Variants in KAZN observed in about 807,000 individuals in gnomAD.
KAZN encodes kazrin, periplakin interacting protein.
A neutral mutation model predicts 87.4 loss-of-function variants in KAZN; 40 were observed. The ratio of observed to expected loss-of-function variants is 0.46; its 90% CI spans 0.36 to 0.60. KAZN has a LOEUF of 0.60. Among genes scored for constraint, KAZN ranks in the 20% least tolerant of loss-of-function variants. The pLI, the probability that KAZN is intolerant of heterozygous loss-of-function variation, is 0.00. For synonymous variants in KAZN, 466 were observed against 458.3 expected, an observed-to-expected ratio of 1.02 and a Z score of -0.22; for missense variants, 898 against 1,073.9, an observed-to-expected ratio of 0.84 and a Z score of 2.29.
chr1:15,016,205 G>A (rs1162952675), intron 2 of KAZN, among the ~76,000 whole-genome samples: 20 of 151,400 alleles, frequency 1.3e-4, no homozygotes, highest in Admixed American at 1.2e-3. Context: ...TGGCGAAACT[G>A]GAAGCTGGAG....
At chr1:14,479,312 C>G (rs1164435760) in intron 2 of KAZN, among the ~76,000 whole-genome samples, 2 of 152,196 alleles carry the variant, frequency 1.3e-5, no homozygotes, top group Non-Finnish European at 2.9e-5. Flanking sequence ...CCTAGAGACA[C>G]CTGCTCCAGA....
intron 2 of KAZN, among the ~76,000 whole-genome samples, chr1:14,263,580 GT>G (rs1465156663): frequency 4.6e-5 from 7 of 151,880 alleles, no homozygotes; most frequent in Admixed American, 4.6e-4. Flanking sequence ...CTCTGGTTTG[GT>G]TTCAGCGATG....
chr1:14,670,077 C>G (rs753583953), intron 1 of KAZN, among the ~76,000 whole-genome samples: 1 of 152,040 alleles, frequency 6.6e-6, no homozygotes, highest in Non-Finnish European at 1.5e-5. Context: ...TTATTTGGCC[C>G]GAGAGTCTTC....
At chr1:14,530,322 G>C (rs1672139654) in intron 2 of KAZN, among the ~76,000 whole-genome samples, 1 of 152,240 alleles carries the variant, frequency 6.6e-6, no homozygotes, top group Non-Finnish European at 1.5e-5. Context: ...CTCTAACAGG[G>C]AGGGTGTAGG....
rs139352278 is a variant in KAZN at position 14,490,630 on chromosome 1, T to C, written c.250-108353T>C. Among the ~76,000 whole-genome samples, 784 of 152,294 alleles carry C rather than the reference T, an allele frequency of 5.1e-3. 9 individuals are homozygous for C. Among genetic ancestry groups the C allele is most frequent in the African/African-American group, 0.018 (746 of 41,554 alleles). Reference sequence around the variant, plus strand: ...GCCTCAGCCTCCTGAGTAGCTGGGATTACAGGCGTGTGCCACCATCCCCAG... The same window carrying C: ...GCCTCAGCCTCCTGAGTAGCTGGGACTACAGGCGTGTGCCACCATCCCCAG... On this transcript the variant is annotated intron_variant, in intron 2 of 16. Transcript: ENST00000636203.
intron 2 of KAZN, among the ~76,000 whole-genome samples, chr1:14,545,750 G>A (rs1571903400): frequency 6.6e-6 from 1 of 152,196 alleles, no homozygotes; most frequent in African/African-American, 2.4e-5. Flanking sequence ...AGTCACTCAG[G>A]AAACTCAGAT....
chr1:15,031,858 G>A (rs1166241298), intron 2 of KAZN, among the ~76,000 whole-genome samples: 1 of 152,046 alleles, frequency 6.6e-6, no homozygotes, highest in Non-Finnish European at 1.5e-5. Context: ...CAATCCTCCT[G>A]GAAGATCCCA....
At chr1:14,609,703 A>G (rs760775504) in intron 1 of KAZN, among the ~76,000 whole-genome samples, 3 of 152,230 alleles carry the variant, frequency 2.0e-5, no homozygotes, top group Non-Finnish European at 4.4e-5. Context: ...CTACCTAGAC[A>G]TCTCTTTGCA....
At chr1:14,790,254 C>T (rs1376386989) in intron 1 of KAZN, among the ~76,000 whole-genome samples, 8 of 151,854 alleles carry the variant, frequency 5.3e-5, no homozygotes, top group Non-Finnish European at 8.8e-5. Flanking sequence ...TTAAGTGATG[C>T]GCTCACCTCG....
At chr1:14,664,649 T>TTC in intron 1 of KAZN, among the ~76,000 whole-genome samples, 1 of 150,214 alleles carries the variant, frequency 6.7e-6, no homozygotes, top group Non-Finnish European at 1.5e-5. Flanking sequence ...CCTTTTCTTT[T>TTC]TCTCTTTTTT....
chr1:14,867,396 T>C (rs1415267948), intron 1 of KAZN, among the ~76,000 whole-genome samples: 1 of 152,092 alleles, frequency 6.6e-6, no homozygotes, highest in Non-Finnish European at 1.5e-5. Flanking sequence ...CCCAAGACCA[T>C]TGTATTCCCC....
rs370877490 is a variant in KAZN, at chr1:14,823,030, G to C, written c.227-137654G>C. On this transcript the variant is annotated intron_variant, in intron 1 of 14. Transcript: ENST00000376030. ...CCCAAAGAAAATGGAGGTTCTCTTC[G>C]AAAGCAGGAAGGGGTGCCTGGGAGT... Among the ~76,000 whole-genome samples the C allele has an allele frequency of 2.0e-5, 3 of 152,212 alleles. No individual in the cohort carries two copies. In the South Asian group the frequency reaches 6.2e-4, roughly 32 times the overall value.
At chr1:14,423,449 G>A (rs1295539751) in intron 2 of KAZN, among the ~76,000 whole-genome samples, 4 of 152,078 alleles carry the variant, frequency 2.6e-5, no homozygotes, top group Non-Finnish European at 4.4e-5. Context: ...CCCTGAAACG[G>A]CACAGGGCAA....
chr1:14,148,942 T>A (rs1414663135), intron 1 of KAZN, among the ~76,000 whole-genome samples: 1 of 152,150 alleles, frequency 6.6e-6, no homozygotes, highest in Non-Finnish European at 1.5e-5. Context: ...TTTTATATTT[T>A]GGTCTTGTCG....
At chr1:15,047,090 G>A (rs1673637317) in intron 4 of KAZN, among the ~76,000 whole-genome samples, 1 of 152,200 alleles carries the variant, frequency 6.6e-6, no homozygotes. Flanking sequence ...AGATGCATCT[G>A]CCCGTGTGAA....
intron 1 of KAZN, among the ~76,000 whole-genome samples, chr1:14,631,074 G>A (rs1190200215): frequency 6.6e-6 from 1 of 152,104 alleles, no homozygotes; most frequent in Non-Finnish European, 1.5e-5. Context: ...TAGGCTGAGA[G>A]GTTCATGGAA....
intron 1 of KAZN, among the ~76,000 whole-genome samples, chr1:14,696,687 G>A (rs934747969): frequency 6.6e-6 from 1 of 152,206 alleles, no homozygotes; most frequent in Non-Finnish European, 1.5e-5. Context: ...AAACCCAAAT[G>A]TCTGGGTCCC....
chr1:14,397,585 G>A (rs1225917335), intron 2 of KAZN, among the ~76,000 whole-genome samples: 2 of 152,084 alleles, frequency 1.3e-5, no homozygotes, highest in African/African-American at 2.4e-5. Flanking sequence ...CGCTGGGGGC[G>A]GTGGTTCATG....
intron 1 of KAZN, among the ~76,000 whole-genome samples, chr1:14,826,011 A>G (rs1376161739): frequency 6.6e-6 from 1 of 152,202 alleles, no homozygotes; most frequent in Non-Finnish European, 1.5e-5. Context: ...AGACACAGAG[A>G]TTCAATTGCT....
Sources: allele counts gnomAD v4.1 joint callset (sites outside exome capture counted in the v4.1 genomes callset), GRCh38; gene constraint gnomAD v4.1.1; transcripts MANE v1.5; gene names NCBI Gene and HGNC (gene_info 2026-07-23, HGNC 2026-07-21).